Variants in OXR1 observed in about 807,000 individuals in gnomAD.
OXR1 encodes the protein oxidation resistance protein 1.
Under a neutral mutation model 104.6 loss-of-function variants are expected in OXR1, and 41 were observed. The ratio of observed to expected loss-of-function variants is 0.39; its 90% CI spans 0.31 to 0.51. The LOEUF is 0.51. Among genes scored for constraint, OXR1 ranks in the 20% least tolerant of loss-of-function variants. The pLI, the probability that OXR1 is intolerant of heterozygous loss-of-function variation, is 0.77. For missense variants in OXR1, 955 were observed against 1,031.9 expected, an observed-to-expected ratio of 0.93 and a Z score of 1.02; for synonymous variants, 348 against 348.4, an observed-to-expected ratio of 1.00 and a Z score of 0.01.
chr8:106,335,627 T>TA (rs987837557), intron 1 of OXR1, among the ~76,000 whole-genome samples: 3 of 152,012 alleles, frequency 2.0e-5, no homozygotes, highest in East Asian at 1.9e-4. Flanking sequence ...GAAGAAAAAA[T>TA]AAAAAAAATT....
chr8:106,478,119 T>A (rs1192712699), intron 2 of OXR1, among the ~76,000 whole-genome samples: 2 of 151,918 alleles, frequency 1.3e-5, no homozygotes, highest in African/African-American at 4.8e-5. Flanking sequence ...TGACAGTAAT[T>A]ATTAACTAGT....
At chr8:106,700,002 TTGTAA>T (rs1830444065) in intron 7 of OXR1, among the ~76,000 whole-genome samples, 4 of 152,282 alleles carry the variant, frequency 2.6e-5, no homozygotes, top group Admixed American at 2.6e-4. Context: ...TGCAGAAATA[TTGTAA>T]TGTAAGTGGT....
At chr8:106,464,089 G>A (rs568950762) in intron 2 of OXR1, among the ~76,000 whole-genome samples, 3 of 151,816 alleles carry the variant, frequency 2.0e-5, no homozygotes, top group African/African-American at 4.8e-5. Context: ...TTTAGCCTAC[G>A]AATTTCTAAA....
intron 1 of OXR1, among the ~76,000 whole-genome samples, chr8:106,298,371 A>G (rs1813090730): frequency 6.6e-6 from 1 of 152,168 alleles, no homozygotes; most frequent in South Asian, 2.1e-4. Flanking sequence ...TGCCCTTTAT[A>G]AAACCATCAG....
intron 1 of OXR1, among the ~76,000 whole-genome samples, chr8:106,321,402 G>C (rs1010593558): frequency 2.0e-5 from 3 of 152,192 alleles, no homozygotes; most frequent in Non-Finnish European, 4.4e-5. Context: ...GTGACTGGTA[G>C]TAACATGTGG....
At position 106,736,572 on chromosome 8, in the gene OXR1, C is replaced by T. The variant is rs962652242; in HGVS notation, c.1957-948C>T. 3.3e-5 allele frequency among the ~76,000 whole-genome samples: 5 copies of T among 152,232 alleles called. No homozygotes were observed. The East Asian group carries it at 5.8e-4, about 18-fold the overall frequency. ...CGTCACATATTTATCACACCATTAG[C>T]GTTCACTGTAGTATGGTAACTGTTT... On this transcript the variant is annotated intron_variant, in intron 11 of 16. Transcript: ENST00000517566.
At chr8:106,508,570 A>G (rs1563569676) in intron 2 of OXR1, among the ~76,000 whole-genome samples, 2 of 152,230 alleles carry the variant, frequency 1.3e-5, no homozygotes, top group South Asian at 2.1e-4. Flanking sequence ...TCAATCAACA[A>G]TGTAATCAGT....
chr8:106,604,303 C>T (rs1256025971), intron 3 of OXR1, among the ~76,000 whole-genome samples: 1 of 152,094 alleles, frequency 6.6e-6, no homozygotes, highest in Non-Finnish European at 1.5e-5. Context: ...GGATAAGCCA[C>T]GATGCTTGAA....
intron 3 of OXR1, among the ~76,000 whole-genome samples, chr8:106,664,902 G>A (rs1007044328): frequency 6.6e-6 from 1 of 152,152 alleles, no homozygotes; most frequent in Non-Finnish European, 1.5e-5. Flanking sequence ...GCAAAATGAT[G>A]TGTAAAGAAA....
chr8:106,567,321 G>C (rs564525358), intron 3 of OXR1, among the ~76,000 whole-genome samples: 2 of 152,218 alleles, frequency 1.3e-5, no homozygotes, highest in Non-Finnish European at 2.9e-5. Context: ...AATTCCTCAG[G>C]TTTTAAAATG....
At chr8:106,576,023 A>C (rs1011033158) in intron 3 of OXR1, among the ~76,000 whole-genome samples, 4 of 100,310 alleles carry the variant, frequency 4.0e-5, no homozygotes, top group African/African-American at 7.3e-5. Context: ...CACACACACA[A>C]AACCCTGAAA....
chr8:106,694,827 TTA>T (rs1156877806), intron 7 of OXR1, among the ~76,000 whole-genome samples: 117 of 124,402 alleles, frequency 9.4e-4, no homozygotes, highest in East Asian at 2.7e-3. Flanking sequence ...ATAAATACAT[TTA>T]TATATATAAT....
intron 3 of OXR1, among the ~76,000 whole-genome samples, chr8:106,614,187 A>T (rs77591599): frequency 0.017 from 2,615 of 152,174 alleles, 52 homozygotes; most frequent in African/African-American, 0.059. Flanking sequence ...TGTTTTTACC[A>T]TATGTTTTTC....
At chr8:106,589,777 C>T (rs374378481) in intron 3 of OXR1, among the ~76,000 whole-genome samples, 27 of 152,298 alleles carry the variant, frequency 1.8e-4, no homozygotes, top group African/African-American at 5.5e-4. Context: ...AACGATTCTC[C>T]TGCCTCAGCC....
intron 1 of OXR1, among the ~76,000 whole-genome samples, chr8:106,286,046 G>A (rs1229879274): frequency 1.3e-5 from 2 of 150,858 alleles, no homozygotes; most frequent in East Asian, 3.9e-4. Flanking sequence ...TCTAGTCTCA[G>A]TGAGTTGCTC....
intron 1 of OXR1, among the ~76,000 whole-genome samples, chr8:106,315,417 A>T (rs1239451905): frequency 1.3e-5 from 2 of 152,188 alleles, no homozygotes; most frequent in Non-Finnish European, 2.9e-5. Context: ...ATCCCAAGAT[A>T]AAATATCCTA....
chr8:106,318,782 T>C (rs1227559468), intron 1 of OXR1, among the ~76,000 whole-genome samples: 2 of 152,220 alleles, frequency 1.3e-5, no homozygotes, highest in African/African-American at 4.8e-5. Flanking sequence ...TGCTAGTTTC[T>C]TAGTCTTTTG....
At chr8:106,659,756 A>C (rs28921379) in intron 3 of OXR1, among the ~76,000 whole-genome samples, 3,445 of 152,268 alleles carry the variant, frequency 0.023, 43 homozygotes, top group East Asian at 0.039. Flanking sequence ...TCTGCTCAGG[A>C]GGCTGGGGCG....
intron 1 of OXR1, among the ~76,000 whole-genome samples, chr8:106,306,047 CTT>C (rs146495381): frequency 6.8e-6 from 1 of 148,012 alleles, no homozygotes; most frequent in Non-Finnish European, 1.5e-5. Flanking sequence ...CTTCAGAGCT[CTT>C]TTTTTTTTCA....
Sources: gnomAD v4.1 joint callset for allele counts (sites outside exome capture counted in the v4.1 genomes callset) on GRCh38, gnomAD v4.1.1 for gene constraint, MANE v1.5 for transcripts, NCBI Gene and HGNC (gene_info 2026-07-23, HGNC 2026-07-21) for gene names.